The following PCCA variants were observed in gnomAD, a reference collection of about 807,000 sequenced individuals.
The protein encoded by PCCA is propionyl-CoA carboxylase alpha chain, mitochondrial.
A neutral mutation model predicts 101.3 loss-of-function variants in PCCA; 74 were observed. The ratio of observed to expected loss-of-function variants is 0.73; its 90% CI spans 0.61 to 0.89. The LOEUF (loss-of-function observed/expected upper bound fraction) is 0.89. Among genes scored for constraint, PCCA ranks in the 40% least tolerant of loss-of-function variants. PCCA has a pLI of 0.00. For synonymous variants in PCCA, 294 were observed against 313.6 expected (o/e 0.94, Z 0.66); for missense variants, 891 against 907.0 (o/e 0.98, Z 0.23).
intron 6 of PCCA, among the ~76,000 whole-genome samples, chr13:100,186,738 C>CAAAAAAAAAAAAAAAAAA (rs376028376): frequency 9.5e-5 from 8 of 84,058 alleles, no homozygotes; most frequent in African/African-American, 1.4e-4. Flanking sequence ...GATTCCATCT[C>CAAAAAAAAAAAAAAAAAA]AAAAAAAAAA....
At chr13:100,397,093 C>T (rs570207291) in intron 19 of PCCA, among the ~76,000 whole-genome samples, 39 of 152,222 alleles carry the variant, frequency 2.6e-4, no homozygotes, top group South Asian at 8.3e-4. Flanking sequence ...TTGCAAACTC[C>T]CTGGTATAAA....
At chr13:100,403,191 GAA>G (rs2077470028) in intron 19 of PCCA, among the ~76,000 whole-genome samples, 1 of 152,054 alleles carries the variant, frequency 6.6e-6, no homozygotes, top group Admixed American at 6.6e-5. Context: ...AAATGGGAAG[GAA>G]AAGAGTTCAC....
At chr13:100,143,906 C>T (rs2052216353) in intron 4 of PCCA, among the ~76,000 whole-genome samples, 1 of 151,950 alleles carries the variant, frequency 6.6e-6, no homozygotes, top group African/African-American at 2.4e-5. Flanking sequence ...AGGTGCCAGC[C>T]ACCATGTCTG....
In PCCA at chr13:100,273,273, C is replaced by T. The variant is rs1392438445; in HGVS notation, c.992C>T (p.Ser331Phe). Residue 331 changes from serine (S) to phenylalanine (F), a missense_variant, in exon 12 of 24, where the codon TCT becomes TTT. Ser to Phe is a radical substitution (Grantham distance 155, BLOSUM62 -2). Transcript: ENST00000376285. ...CTTGCCAGAGCAGTAAAATATTCCT[C>T]TGCTGGGACCGTGGAGTTCCTTGTG... ...VALARAVKYS[S>F]AGTVEFLVDS... 6.2e-6 allele frequency: 10 copies of T among 1,611,858 alleles called. No homozygotes were observed. The highest frequency in any genetic ancestry group is 8.5e-6 in the Non-Finnish European group (10 of 1,177,944).
At chr13:100,119,434 C>T (rs950331871) in intron 4 of PCCA, among the ~76,000 whole-genome samples, 4 of 152,034 alleles carry the variant, frequency 2.6e-5, no homozygotes, top group Non-Finnish European at 5.9e-5. Flanking sequence ...ATATTTGTTT[C>T]CATCACACCC....
At chr13:100,434,379 C>A (rs200286859) in intron 20 of PCCA, among the ~76,000 whole-genome samples, 2 of 152,068 alleles carry the variant, frequency 1.3e-5, no homozygotes, top group East Asian at 3.9e-4. Flanking sequence ...CTCAACAATA[C>A]CCTTTTCTAC....
Position 100,297,391 on chromosome 13 carries a change from T to G in PCCA, c.1066-4069T>G, listed in dbSNP as rs183786894. ...GCAGTGTCAGAGTTTATTATTATAA[T>G]TTTTAGAATCATGAGGTAGGTAACA... On this transcript the variant is annotated intron_variant, in intron 12 of 23. Coordinates refer to ENST00000376285, the MANE Select transcript of PCCA (RefSeq NM_000282.4). 9.6e-4 allele frequency among the ~76,000 whole-genome samples: 146 copies of G among 152,324 alleles called. 1 individual carries two copies. Among genetic ancestry groups the G allele is most frequent in the African/African-American group, 3.2e-3 (133 of 41,560 alleles).
chr13:100,145,660 G>A (rs985042481), intron 4 of PCCA, among the ~76,000 whole-genome samples: 2 of 151,944 alleles, frequency 1.3e-5, no homozygotes, highest in Non-Finnish European at 2.9e-5. Context: ...TTAGGAGATG[G>A]AGACCATCCT....
chr13:100,380,652 C>A (rs1465017096), intron 19 of PCCA, among the ~76,000 whole-genome samples: 1 of 152,122 alleles, frequency 6.6e-6, no homozygotes. Flanking sequence ...GAAGTAGAAA[C>A]CCTACCTCAT....
At chr13:100,228,777 A>G (rs2060296829) in intron 7 of PCCA, among the ~76,000 whole-genome samples, 1 of 151,624 alleles carries the variant, frequency 6.6e-6, no homozygotes, top group Non-Finnish European at 1.5e-5. Context: ...GTGTGTGCCT[A>G]TAATCCCAGC....
intron 21 of PCCA, among the ~76,000 whole-genome samples, chr13:100,453,078 C>T (rs1365768176): frequency 6.6e-6 from 1 of 151,940 alleles, no homozygotes; most frequent in African/African-American, 2.4e-5. Context: ...TGTCTGTGGT[C>T]CCAGCTACCC....
chr13:100,327,429 A>G (rs2068819932), intron 16 of PCCA, among the ~76,000 whole-genome samples: 2 of 152,230 alleles, frequency 1.3e-5, no homozygotes, highest in Non-Finnish European at 2.9e-5. Flanking sequence ...GTGGAATAGA[A>G]TTCCATTGTA....
At chr13:100,308,380 A>G (rs898748095) in intron 15 of PCCA, among the ~76,000 whole-genome samples, 1 of 152,110 alleles carries the variant, frequency 6.6e-6, no homozygotes, top group African/African-American at 2.4e-5. Flanking sequence ...GCTGGAGTGC[A>G]GTATCATGAT....
intron 8 of PCCA, among the ~76,000 whole-genome samples, chr13:100,246,479 TTTG>T (rs1023420932): frequency 1.3e-5 from 2 of 151,806 alleles, no homozygotes; most frequent in East Asian, 1.9e-4. Flanking sequence ...TTGGCTAATT[TTTG>T]TTGTTGTTGT....
rs1258776476 is a variant in PCCA, at chr13:100,348,819, T to TTCCTTCCTTCCTTC, written c.1643+8560_1643+8561insTCCTTCCTTCCTTC. Among the ~76,000 whole-genome samples, 314 of 53,334 alleles carry TTCCTTCCTTCCTTC rather than the reference T, an allele frequency of 5.9e-3. 12 individuals are homozygous for TTCCTTCCTTCCTTC. The highest frequency in any genetic ancestry group is 6.0e-3 in the Admixed American group (28 of 4,648). The allele number at this position is 53,334 out of a possible 152,430, so 35.0% of individuals were successfully genotyped here. Reference sequence around the variant, plus strand: ...TCCTTCCTTCCTTCCTTCCTTCCTTTCTTTCTTTTCTCTCTCTTTTTCTCT... The same window carrying TTCCTTCCTTCCTTC: ...TCCTTCCTTCCTTCCTTCCTTCCTTTTCCTTCCTTCCTTCCTTTCTTTTCTCTCTCTTTTTCTCT... On this transcript the variant is annotated intron_variant, in intron 18 of 23. Coordinates refer to ENST00000376285, the MANE Select transcript of PCCA (RefSeq NM_000282.4).
At chr13:100,153,845 A>G (rs1039171487) in intron 4 of PCCA, among the ~76,000 whole-genome samples, 4 of 152,224 alleles carry the variant, frequency 2.6e-5, no homozygotes, top group Admixed American at 6.5e-5. Flanking sequence ...TTGGGCATTT[A>G]CCTGATCTTT....
chr13:100,124,651 T>C (rs2049773557), intron 4 of PCCA, among the ~76,000 whole-genome samples: 1 of 152,158 alleles, frequency 6.6e-6, no homozygotes, highest in Non-Finnish European at 1.5e-5. Context: ...TAGTGTATGT[T>C]GGTTCCAGCT....
intron 4 of PCCA, among the ~76,000 whole-genome samples, chr13:100,119,541 G>T (rs964483623): frequency 6.6e-6 from 1 of 152,120 alleles, no homozygotes; most frequent in African/African-American, 2.4e-5. Context: ...AAATGAGATT[G>T]CACACACACA....
At chr13:100,265,761 ACT>A (rs1318672328) in intron 10 of PCCA, among the ~76,000 whole-genome samples, 1 of 151,100 alleles carries the variant, frequency 6.6e-6, no homozygotes. Context: ...ACAGAATTTT[ACT>A]CTCTCTCCCA....
Sources: allele counts gnomAD v4.1 joint callset (sites outside exome capture counted in the v4.1 genomes callset), GRCh38; gene constraint gnomAD v4.1.1; transcripts MANE v1.5; gene names NCBI Gene and HGNC (gene_info 2026-07-23, HGNC 2026-07-21).